The following COL21A1 variants were observed in gnomAD, a reference collection of about 807,000 sequenced individuals.
COL21A1 encodes the protein collagen alpha-1(XXI) chain.
Under a neutral mutation model 137.9 loss-of-function variants are expected in COL21A1, and 149 were observed. That is an observed-to-expected ratio of 1.08 (90% confidence interval 0.95 to 1.24). The LOEUF is 1.24. COL21A1 is among the 50% of genes most tolerant of loss of function. The pLI is 0.00. For synonymous variants in COL21A1, 456 were observed against 391.5 expected, an observed-to-expected ratio of 1.16 and a Z score of -1.95; for missense variants, 1,167 against 1,158.4, an observed-to-expected ratio of 1.01 and a Z score of -0.11.
chr6:56,120,627 C>G (rs1772375669), intron 16 of COL21A1, among the ~76,000 whole-genome samples: 1 of 151,986 alleles, frequency 6.6e-6, no homozygotes, highest in Admixed American at 6.6e-5. Context: ...CGAAATGTCT[C>G]TACTAAAAAT....
intron 12 of COL21A1, among the ~76,000 whole-genome samples, chr6:56,128,550 T>A (rs150417331): frequency 6.6e-6 from 1 of 152,330 alleles, no homozygotes; most frequent in East Asian, 1.9e-4. Context: ...GGATCTTCTA[T>A]GTCTCTAGTT....
At chr6:56,279,554 T>C (rs1763746557) in intron 1 of COL21A1, among the ~76,000 whole-genome samples, 1 of 152,128 alleles carries the variant, frequency 6.6e-6, no homozygotes, top group Non-Finnish European at 1.5e-5. Context: ...GCCCATTCCA[T>C]TCCAATTGTC....
At chr6:56,114,939 A>T (rs1771783379) in intron 16 of COL21A1, among the ~76,000 whole-genome samples, 2 of 150,606 alleles carry the variant, frequency 1.3e-5, no homozygotes, top group South Asian at 4.2e-4. Context: ...TCCAACAATG[A>T]TAGACTGGAT....
chr6:56,341,802 GA>G (rs1332507995), intron 1 of COL21A1, among the ~76,000 whole-genome samples: 1 of 152,140 alleles, frequency 6.6e-6, no homozygotes, highest in Non-Finnish European at 1.5e-5. Flanking sequence ...GATAGTGAGG[GA>G]GCCTGTGCAT....
At chr6:56,326,481 T>G (rs907640026) in intron 1 of COL21A1, among the ~76,000 whole-genome samples, 7 of 151,910 alleles carry the variant, frequency 4.6e-5, no homozygotes, top group African/African-American at 1.4e-4. Flanking sequence ...CTGTCTTACC[T>G]AAAATTATCT....
At chr6:56,326,368 C>G (rs898786555) in intron 1 of COL21A1, among the ~76,000 whole-genome samples, 1 of 151,470 alleles carries the variant, frequency 6.6e-6, no homozygotes, top group Non-Finnish European at 1.5e-5. Context: ...ATTCAAATAA[C>G]CTGGAAAATT....
chr6:56,100,748 C>A (rs1770385518), intron 17 of COL21A1, among the ~76,000 whole-genome samples: 1 of 152,152 alleles, frequency 6.6e-6, no homozygotes, highest in African/African-American at 2.4e-5. Context: ...AGTTTAATCC[C>A]TCTACCCTAT....
At chr6:56,277,088 G>A (rs1203903788) in intron 1 of COL21A1, among the ~76,000 whole-genome samples, 2 of 151,960 alleles carry the variant, frequency 1.3e-5, no homozygotes, top group African/African-American at 4.8e-5. Flanking sequence ...CCAAAGTGCT[G>A]GGATTACAGG....
At chr6:56,264,961 G>A (rs1763362028) in intron 1 of COL21A1, among the ~76,000 whole-genome samples, 3 of 152,166 alleles carry the variant, frequency 2.0e-5, no homozygotes, top group South Asian at 2.1e-4. Flanking sequence ...CAAAAAGAAG[G>A]TGCCTCTCCC....
chr6:56,101,744 G>T (rs888745142), intron 16 of COL21A1, among the ~76,000 whole-genome samples: 3 of 145,316 alleles, frequency 2.1e-5, no homozygotes, highest in African/African-American at 7.6e-5. Context: ...CATAATGGCA[G>T]ATAATTAAGT....
intron 29 of COL21A1, 112 bp from the exon 30 acceptor site, chr6:56,057,956 A>C: frequency 1.4e-6 from 1 of 695,866 alleles, no homozygotes; most frequent in East Asian, 3.1e-5. Context: ...TATTTTATAT[A>C]TTTGCACTAA....
At position 56,282,606 on chromosome 6, in the gene COL21A1, C is replaced by A. The variant is rs902737282; in HGVS notation, c.-38-99950G>T. Among the ~76,000 whole-genome samples the A allele has an allele frequency of 3.9e-5, 6 of 152,322 alleles. No homozygotes were observed. In the South Asian group the frequency reaches 6.2e-4, roughly 16 times the overall value. ...GGTCAGAACAGCATGCAGAACATTG[C>A]ACAGCCTGAAAACTTCTGCCAGATG... On this transcript the variant is annotated intron_variant, in intron 1 of 28. Coordinates refer to the COL21A1 transcript ENST00000370819.
intron 10 of COL21A1, among the ~76,000 whole-genome samples, chr6:56,152,771 T>G (rs1211480462): frequency 1.3e-5 from 2 of 152,054 alleles, no homozygotes; most frequent in East Asian, 3.9e-4. Flanking sequence ...TTTTTATCAC[T>G]AAAAAGAAGA....
chr6:56,344,260 A>T (rs1765537864), intron 1 of COL21A1, among the ~76,000 whole-genome samples: 1 of 152,204 alleles, frequency 6.6e-6, no homozygotes, highest in African/African-American at 2.4e-5. Context: ...ATCTCTTAAA[A>T]CTTACTCTTA....
At chr6:56,252,302 G>A (rs1194456872), upstream of COL21A1, among the ~76,000 whole-genome samples, 2 of 152,176 alleles carry the variant, frequency 1.3e-5, no homozygotes, top group Non-Finnish European at 2.9e-5. Context: ...CTGGATGGAG[G>A]AGTCTTTTCT....
intron 1 of COL21A1, among the ~76,000 whole-genome samples, chr6:56,390,780 G>T (rs1334157671): frequency 6.6e-6 from 1 of 152,036 alleles, no homozygotes; most frequent in Non-Finnish European, 1.5e-5. Flanking sequence ...TATTACACTT[G>T]TAAACATATA....
At chr6:56,251,860 T>C (rs1782863732), upstream of COL21A1, among the ~76,000 whole-genome samples, 1 of 152,194 alleles carries the variant, frequency 6.6e-6, no homozygotes, top group Non-Finnish European at 1.5e-5. Flanking sequence ...AATGCAAAAC[T>C]TAAATCAAGG....
intron 12 of COL21A1, among the ~76,000 whole-genome samples, chr6:56,134,156 G>A (rs565264697): frequency 3.2e-4 from 49 of 152,282 alleles, no homozygotes; most frequent in African/African-American, 1.1e-3. Context: ...GAAAGCAATC[G>A]AGAGGGAGGC....
intron 1 of COL21A1, among the ~76,000 whole-genome samples, chr6:56,240,634 T>C (rs367623300): frequency 1.3e-5 from 2 of 152,278 alleles, no homozygotes; most frequent in East Asian, 1.9e-4. Flanking sequence ...TGTTCCATGA[T>C]GGCCTATAAT....
Sources: gnomAD v4.1 joint callset for allele counts (sites outside exome capture counted in the v4.1 genomes callset) on GRCh38, gnomAD v4.1.1 for gene constraint, MANE v1.5 for transcripts, NCBI Gene and HGNC (gene_info 2026-07-23, HGNC 2026-07-21) for gene names.